Variants in USP6NL observed in about 807,000 individuals in gnomAD.
The protein encoded by USP6NL is USP6 N-terminal like.
Under a neutral mutation model 61.9 loss-of-function variants are expected in USP6NL, and 26 were observed. That is an observed-to-expected ratio of 0.42 (90% CI 0.31 to 0.58). The LOEUF is 0.58. USP6NL is among the 20% of genes least tolerant of loss of function. USP6NL has a pLI of 0.16. For missense variants in USP6NL, 1,114 were observed against 1,034.3 expected (o/e 1.08, Z -1.06); for synonymous variants, 432 against 390.1 (o/e 1.11, Z -1.27).
At position 11,479,504 on chromosome 10, in the gene USP6NL, G is replaced by A. The variant is rs182601113; in HGVS notation, c.1078+2266C>T. 9.3e-4 allele frequency among the ~76,000 whole-genome samples: 142 copies of A among 152,110 alleles called. 1 individual carries two copies. The highest frequency in any genetic ancestry group is 3.4e-3 in the African/African-American group (140 of 41,486). On this transcript the variant is annotated intron_variant, in intron 14 of 14. Coordinates refer to ENST00000609104, the MANE Select transcript of USP6NL (RefSeq NM_014688.5). ...AACAGGCCTCATTGCACATGACTCG[G>A]GGGAGTTCACACTGCCACATTATGT...
chr10:11,595,818 T>G lies in USP6NL; in HGVS notation c.4+1813A>C, dbSNP rs1838308862. Reference sequence around the variant, plus strand: ...GACTTTAAAATAAGCATGTAAAAGATCCACAAAGAGATAAAATAACAGAAC... The same window carrying G: ...GACTTTAAAATAAGCATGTAAAAGAGCCACAAAGAGATAAAATAACAGAAC... On this transcript the variant is annotated intron_variant, in intron 2 of 14. Transcript: ENST00000609104. This position sits in a 1 kb window ranked among gnomAD's most constrained non-coding sequence, Gnocchi z 5.3. Among the ~76,000 whole-genome samples the G allele has an allele frequency of 6.6e-6, 1 of 152,046 alleles. No individual in the cohort carries two copies. The highest frequency in any genetic ancestry group is 1.5e-5 in the Non-Finnish European group (1 of 68,000).
intron 2 of USP6NL, among the ~76,000 whole-genome samples, chr10:11,531,141 G>A (rs576543696): frequency 6.6e-6 from 1 of 152,238 alleles, no homozygotes; most frequent in African/African-American, 2.4e-5. Flanking sequence ...CTCGTTGCAT[G>A]ACAAATCCAT....
At chr10:11,567,650 A>T (rs541196548) in intron 2 of USP6NL, among the ~76,000 whole-genome samples, 2 of 152,360 alleles carry the variant, frequency 1.3e-5, no homozygotes, top group African/African-American at 4.8e-5. Flanking sequence ...TCCAGACATA[A>T]ACACCTACAA....
rs962784149 is a variant in USP6NL, at chr10:11,518,010, T to C, written c.195+525A>G. Among the ~76,000 whole-genome samples, 1 of 152,208 alleles carries C rather than the reference T, an allele frequency of 6.6e-6. No individual in the cohort carries two copies. Among genetic ancestry groups the C allele is most frequent in the Non-Finnish European group, 1.5e-5 (1 of 68,042 alleles). On this transcript the variant is annotated intron_variant, in intron 5 of 14. Transcript: ENST00000609104. The surrounding 1 kb of genome is among the most constrained non-coding windows in gnomAD (Gnocchi z 5.3). ...TGTATAACGAGGAAAGATTTTTAAA[T>C]GTTGACAAGTTTACTATGTAACACT... is the stretch of plus-strand genomic sequence containing the variant.
chr10:11,544,925 G>A (rs933804375), intron 2 of USP6NL, among the ~76,000 whole-genome samples: 1 of 152,084 alleles, frequency 6.6e-6, no homozygotes, highest in Non-Finnish European at 1.5e-5. Flanking sequence ...ATTTGGATTC[G>A]TCCCCAAGAT....
chr10:11,483,341 A>G (rs1833284568), intron 13 of USP6NL, among the ~76,000 whole-genome samples: 1 of 151,666 alleles, frequency 6.6e-6, no homozygotes. Context: ...TCATATAAGT[A>G]GAACAATTTA....
chr10:11,541,548 G>A (rs1329196919), intron 2 of USP6NL, among the ~76,000 whole-genome samples: 1 of 151,926 alleles, frequency 6.6e-6, no homozygotes, highest in Admixed American at 6.6e-5. Flanking sequence ...AAAATCGCAA[G>A]CAAATGAACA....
rs558762085 is a variant in USP6NL, at chr10:11,592,553, A to C, written c.4+5078T>G. ...TCAAACATAAATGAGTCTTAATATA[A>C]CAAAAGGATACCTGTTATACTTTGT... On this transcript the variant is annotated intron_variant, in intron 2 of 14. Transcript: ENST00000609104. The surrounding 1 kb of genome is among the most constrained non-coding windows in gnomAD (Gnocchi z 4.7). Among the ~76,000 whole-genome samples the C allele has an allele frequency of 6.6e-6, 1 of 152,280 alleles. No homozygotes were observed. Among genetic ancestry groups the C allele is most frequent in the Non-Finnish European group, 1.5e-5 (1 of 68,046 alleles).
chr10:11,503,013 G>C (rs953699785), intron 6 of USP6NL, among the ~76,000 whole-genome samples: 1 of 152,122 alleles, frequency 6.6e-6, no homozygotes, highest in Non-Finnish European at 1.5e-5. Context: ...TTTAAGACTT[G>C]TTTTCCCAAA....
chr10:11,508,512 T>C (rs1834554495), intron 6 of USP6NL, among the ~76,000 whole-genome samples: 1 of 152,258 alleles, frequency 6.6e-6, no homozygotes, highest in South Asian at 2.1e-4. Context: ...GTGGTAAAAC[T>C]ACCGGCTCTT....
At chr10:11,541,271 A>ATATG (rs1836054609) in intron 2 of USP6NL, among the ~76,000 whole-genome samples, 1 of 122,676 alleles carries the variant, frequency 8.2e-6, no homozygotes, top group Non-Finnish European at 1.7e-5. Flanking sequence ...ATATATATAT[A>ATATG]TATATGTATG....
At chr10:11,500,109 C>T (rs1801328489) in intron 7 of USP6NL, among the ~76,000 whole-genome samples, 1 of 152,032 alleles carries the variant, frequency 6.6e-6, no homozygotes, top group African/African-American at 2.4e-5. Context: ...TAAGTGGGAG[C>T]TGAATAATGA....
rs1222452593 is a variant in USP6NL at position 11,537,382 on chromosome 10, G to A, written c.5-9815C>T. 1.3e-5 allele frequency among the ~76,000 whole-genome samples: 2 copies of A among 148,698 alleles called. No individual in the cohort carries two copies. The highest frequency in any genetic ancestry group is 2.4e-5 in the African/African-American group (1 of 41,290). Reference sequence around the variant, plus strand: ...CCACCTTGGCCTCCCAAAGTGCTACGATTATAGGCATGAGCCACAAAGCCC... The same window carrying A: ...CCACCTTGGCCTCCCAAAGTGCTACAATTATAGGCATGAGCCACAAAGCCC... On this transcript the variant is annotated intron_variant, in intron 2 of 14. Coordinates refer to ENST00000609104, the MANE Select transcript of USP6NL (RefSeq NM_014688.5). The surrounding 1 kb of genome is among the most constrained non-coding windows in gnomAD (Gnocchi z 5.1).
At chr10:11,509,518 T>A in intron 6 of USP6NL, 77 bp downstream of exon 6, 1 of 1,337,056 alleles carries the variant, frequency 7.5e-7, no homozygotes, top group East Asian at 2.6e-5. Context: ...ACTCTTATAA[T>A]TAAAGAAGAA....
chr10:11,569,047 T>C (rs114234025), intron 2 of USP6NL, among the ~76,000 whole-genome samples: 2 of 152,358 alleles, frequency 1.3e-5, no homozygotes, highest in African/African-American at 4.8e-5. Context: ...ATTCTTGTCA[T>C]AGTATCTTCT....
chr10:11,608,933 T>A (rs1218906089), intron 1 of USP6NL, among the ~76,000 whole-genome samples: 15 of 152,264 alleles, frequency 9.9e-5, no homozygotes, highest in Admixed American at 9.8e-4. Context: ...TGCTACAAGT[T>A]GGATTTCTTT....
At position 11,465,094 on chromosome 10, in the gene USP6NL, G is replaced by A. The variant is rs552436735; in HGVS notation, c.1079-1245C>T. On this transcript the variant is annotated intron_variant, in intron 14 of 14. Transcript: ENST00000609104. The surrounding 1 kb of genome is among the most constrained non-coding windows in gnomAD (Gnocchi z 4.5). ...ATATATGAATGCCTTCTTCCCTGTA[G>A]GCAAATAATCCCAACAAACACAATT... is the stretch of plus-strand genomic sequence containing the variant. Among the ~76,000 whole-genome samples, 8 of 152,158 alleles carry A rather than the reference G, an allele frequency of 5.3e-5. No individual in the cohort carries two copies. In the South Asian group the frequency reaches 1.5e-3, roughly 28 times the overall value.
chr10:11,520,911 C>A lies in USP6NL; in HGVS notation c.156-2337G>T, dbSNP rs1283442150. ...TTTAGAGAACAAGGGCTTAAGAGCA[C>A]CTAAAGGCTGCTTTAAGAAAACACC... On this transcript the variant is annotated intron_variant, in intron 4 of 14. Transcript: ENST00000609104. This position sits in a 1 kb window ranked among gnomAD's most constrained non-coding sequence, Gnocchi z 5.2. 1.3e-5 allele frequency among the ~76,000 whole-genome samples: 2 copies of A among 152,084 alleles called. No homozygotes were observed. The highest frequency in any genetic ancestry group is 2.4e-5 in the African/African-American group (1 of 41,396).
intron 2 of USP6NL, among the ~76,000 whole-genome samples, chr10:11,551,265 G>A (rs1836478052): frequency 6.6e-6 from 1 of 152,090 alleles, no homozygotes; most frequent in East Asian, 1.9e-4. Context: ...TTCATACTTT[G>A]GAATACTATT....
Sources: gnomAD v4.1 joint callset for allele counts (sites outside exome capture counted in the v4.1 genomes callset) on GRCh38, gnomAD v4.1.1 for gene constraint, Gnocchi (gnomAD v3.1) non-coding constraint, MANE v1.5 for transcripts, NCBI Gene and HGNC (gene_info 2026-07-23, HGNC 2026-07-21) for gene names.